CUBN: variants seen among roughly 807,000 people sequenced by gnomAD.
The protein encoded by CUBN is 460 kDa receptor.
Under a neutral mutation model 405.3 loss-of-function variants are expected in CUBN, and 282 were observed. The observed-to-expected ratio is 0.70, with a 90% CI of 0.63 to 0.77. CUBN has a LOEUF of 0.77. CUBN is among the 30% of genes least tolerant of loss of function. The pLI is 0.00. For synonymous variants in CUBN, 1,684 were observed against 1,617.0 expected (o/e 1.04, Z -0.99); for missense variants, 4,514 against 4,475.2 (o/e 1.01, Z -0.25).
chr10:16,986,654 G>A (rs1257832356), intron 29 of CUBN, among the ~76,000 whole-genome samples: 2 of 152,164 alleles, frequency 1.3e-5, no homozygotes, highest in African/African-American at 2.4e-5. Context: ...GAAGAGCCCT[G>A]TGTGGCCCCT....
intron 31 of CUBN, among the ~76,000 whole-genome samples, chr10:16,956,151 G>T (rs1423897830): frequency 1.3e-5 from 2 of 152,084 alleles, no homozygotes; most frequent in Admixed American, 1.3e-4. Context: ...TTAGCCACAG[G>T]TATGATTGGC....
Position 16,851,252 on chromosome 10 carries a change from G to A in CUBN, c.9646C>T (p.Leu3216Phe). Reference sequence around the variant, plus strand: ...AGCCTTACCTTTACATAATCATAAAGGCATCTTTGCCTAGTACTTGCTGCC... The same window carrying A: ...AGCCTTACCTTTACATAATCATAAAAGCATCTTTGCCTAGTACTTGCTGCC... ...LEAASTRQRCLYDYVKLYDGD... is the reference protein window; with the variant it reads ...LEAASTRQRCFYDYVKLYDGD... Residue 3216 changes from leucine (L) to phenylalanine (F), a missense_variant, in exon 60 of 67, where the codon CTT becomes TTT. Transcript: ENST00000377833. 1 of 1,613,594 alleles carries A rather than the reference G, an allele frequency of 6.2e-7. No homozygotes were observed. The highest frequency in any genetic ancestry group is 8.5e-7 in the Non-Finnish European group (1 of 1,179,612).
Position 17,084,442 on chromosome 10 carries a change from C to G in CUBN, c.2130G>C (p.Gly710=). The G allele has an allele frequency of 6.2e-7, 1 of 1,613,440 alleles. No individual in the cohort carries two copies. Among genetic ancestry groups the G allele is most frequent in the South Asian group, 1.1e-5 (1 of 91,012 alleles). ...LTSPSDLRCG[G]NYTDPEGELF... ...GTTCACCCTCTGGGTCCGTGTAGTT[C>G]CCACCACAACGCAGATCCGCTAAGA... is the stretch of plus-strand genomic sequence containing the variant. The change falls in exon 17 of 67, where the codon GGG becomes GGC. Residue 710 remains glycine (G), a synonymous_variant. Transcript: ENST00000377833.
rs1010532918 is a variant in CUBN at position 16,899,150 on chromosome 10, G to A, written c.8444C>T (p.Thr2815Ile). Reference sequence around the variant, plus strand: ...CTGAGGCCAGTGAGGGGATCTGATTGTACCATTATCAGAATGAAATATTCC... The same window carrying A: ...CTGAGGCCAGTGAGGGGATCTGATTATACCATTATCAGAATGAAATATTCC... ...CGGIFHSDNG[T>I]IRSPHWPQNF... The change falls in exon 54 of 67, where the codon ACA (threonine) becomes ATA (isoleucine). Residue 2815 changes from threonine (T) to isoleucine (I), a missense_variant. Coordinates refer to ENST00000377833, the MANE Select transcript of CUBN (RefSeq NM_001081.4). 18 of 1,613,742 alleles carry A rather than the reference G, an allele frequency of 1.1e-5. No homozygotes were observed. The highest frequency in any genetic ancestry group is 2.2e-5 in the East Asian group (1 of 44,892).
chr10:16,869,825 T>C lies in CUBN; in HGVS notation c.9265A>G (p.Thr3089Ala), dbSNP rs565123856. The change falls in exon 59 of 67, where the codon ACC (threonine) becomes GCC (alanine). Residue 3089 changes from threonine to alanine, a missense_variant. Physicochemically the swap from Thr to Ala is moderately conservative, Grantham distance 58. Around this residue, in one of 5 missense-constraint regions of CUBN, gnomAD observed 1,186 missense variants for 1,186.9 expected, o/e 1.00. Transcript: ENST00000377833. ...GCCAGGTAGTCATGGGAGCAGGAGG[T>C]GGAGGGAACCACATCAAAATCACTG... ...KFSDFDVVPSTSCSHDYLAIY... is the reference protein window; with the variant it reads ...KFSDFDVVPSASCSHDYLAIY... 2.0e-5 allele frequency: 32 copies of C among 1,613,684 alleles called. No individual in the cohort carries two copies. In the South Asian group the frequency reaches 3.3e-4, roughly 17 times the overall value.
rs1391488585 is a variant in CUBN at position 16,888,479 on chromosome 10, T to C, written c.8843A>G (p.Tyr2948Cys). ...TGACAGAGGATTAGCCTCTATGACA[T>C]AGGTGCAATTCATGTTGTTGTCATA... Reference protein sequence around the residue: ...KQYDNNMNCTYVIEANPLSVV... With the variant: ...KQYDNNMNCTCVIEANPLSVV... The change falls in exon 56 of 67, where the codon TAT becomes TGT. Residue 2948 changes from tyrosine to cysteine, a missense_variant. Physicochemically the swap from Tyr to Cys is radical, Grantham distance 194. Coordinates refer to ENST00000377833, the MANE Select transcript of CUBN (RefSeq NM_001081.4). 2 of 1,612,414 alleles carry C rather than the reference T, an allele frequency of 1.2e-6. No individual in the cohort carries two copies. The highest frequency in any genetic ancestry group is 2.2e-5 in the East Asian group (1 of 44,830).
chr10:16,870,425 G>C (rs560485935), intron 58 of CUBN, among the ~76,000 whole-genome samples: 1 of 152,192 alleles, frequency 6.6e-6, no homozygotes, highest in Non-Finnish European at 1.5e-5. Flanking sequence ...CTCTGTGGTG[G>C]TCACTGACAC....
chr10:17,096,321 T>C (rs753778644), intron 14 of CUBN, among the ~76,000 whole-genome samples: 3 of 152,150 alleles, frequency 2.0e-5, no homozygotes, highest in Non-Finnish European at 4.4e-5. Flanking sequence ...CTATGTATGA[T>C]AGATATATTA....
intron 51 of CUBN, among the ~76,000 whole-genome samples, 174 bp from the exon 52 acceptor site, chr10:16,901,633 C>T (rs1841375192): frequency 6.6e-6 from 1 of 152,016 alleles, no homozygotes; most frequent in South Asian, 2.1e-4. Context: ...GTGGGCAAAT[C>T]ACCCGAGGTC....
chr10:17,007,130 C>T (rs1197828011), intron 28 of CUBN, among the ~76,000 whole-genome samples: 1 of 152,186 alleles, frequency 6.6e-6, no homozygotes, highest in East Asian at 1.9e-4. Context: ...GGTTGGGAGG[C>T]CACTTTTCAC....
intron 14 of CUBN, among the ~76,000 whole-genome samples, chr10:17,095,692 A>G (rs1836358639): frequency 6.6e-6 from 1 of 152,114 alleles, no homozygotes; most frequent in East Asian, 1.9e-4. Flanking sequence ...AGGTTCCTCA[A>G]AAAATTAAAC....
At chr10:17,087,329 C>CT (rs1836132539) in intron 15 of CUBN, among the ~76,000 whole-genome samples, 1 of 152,102 alleles carries the variant, frequency 6.6e-6, no homozygotes, top group African/African-American at 2.4e-5. Context: ...ATATAAGAGC[C>CT]TTTTCTCCTC....
Position 16,982,530 on chromosome 10 carries a change from A to G in CUBN, c.4649T>C (p.Leu1550Ser). ...TTCAAGATCAAAGTCAGTGAAGTTC[A>G]AGAGAACACGATGATTTCTGTCAAC... ...IRVDRNHRVL[L>S]NFTDFDLEPQ... The change falls in exon 31 of 67, where the codon TTG (leucine) becomes TCG (serine). Residue 1550 changes from leucine (L) to serine (S), a missense_variant. Transcript: ENST00000377833. 4.3e-6 allele frequency: 7 copies of G among 1,613,876 alleles called. No individual in the cohort carries two copies. The highest frequency in any genetic ancestry group is 5.9e-6 in the Non-Finnish European group (7 of 1,179,778).
At chr10:16,995,667 G>C (rs1188607644) in intron 28 of CUBN, among the ~76,000 whole-genome samples, 1 of 152,034 alleles carries the variant, frequency 6.6e-6, no homozygotes, top group Non-Finnish European at 1.5e-5. Context: ...CCCCAGATTT[G>C]AGACAAAGAC....
chr10:16,928,213 C>T lies in CUBN; in HGVS notation c.6215G>A (p.Arg2072His), dbSNP rs548893075. Residue 2072 changes from arginine to histidine, a missense_variant, in exon 41 of 67, where the codon CGC becomes CAC. This residue lies in a region of CUBN where 1,613 missense variants were observed against 1,542.8 expected (regional missense o/e 1.05). Transcript: ENST00000377833. ...GGTTACACTGGAGTCCGAGGTGAAG[C>T]GGATGAACATGTACTCTCCAGTAGA... ...IRSTGEYMFI[R>H]FTSDSSVTRA... 68 of 1,613,950 alleles carry T rather than the reference C, an allele frequency of 4.2e-5. No homozygotes were observed. The highest frequency in any genetic ancestry group is 5.0e-5 in the Non-Finnish European group (59 of 1,179,898).
At chr10:17,024,512 T>G (rs1332534836) in intron 27 of CUBN, among the ~76,000 whole-genome samples, 1 of 152,188 alleles carries the variant, frequency 6.6e-6, no homozygotes, top group Non-Finnish European at 1.5e-5. Context: ...TTAACTATTT[T>G]TTTGTTTGTT....
At chr10:16,910,222 CTCT>C (rs749034713) in intron 48 of CUBN, among the ~76,000 whole-genome samples, 6 of 150,564 alleles carry the variant, frequency 4.0e-5, no homozygotes, top group Non-Finnish European at 5.9e-5. Context: ...TCTCTTCTCC[CTCT>C]TCTTCTTCTC....
intron 27 of CUBN, among the ~76,000 whole-genome samples, chr10:17,031,499 G>C (rs1219398245): frequency 1.3e-5 from 2 of 152,204 alleles, no homozygotes; most frequent in Non-Finnish European, 2.9e-5. Flanking sequence ...TGGAGTTTGG[G>C]TTTAAACTTC....
At chr10:17,076,063 T>C (rs1308874791) in intron 17 of CUBN, among the ~76,000 whole-genome samples, 1 of 152,140 alleles carries the variant, frequency 6.6e-6, no homozygotes, top group Non-Finnish European at 1.5e-5. Context: ...GTAGTCTCTC[T>C]TTTCTATTTC....
Sources: allele counts gnomAD v4.1 joint callset (sites outside exome capture counted in the v4.1 genomes callset), GRCh38; gene constraint gnomAD v4.1.1; regional missense constraint gnomAD v4.1.1; transcripts MANE v1.5; gene names NCBI Gene and HGNC (gene_info 2026-07-23, HGNC 2026-07-21).